The following GALNT11 variants were observed in gnomAD, a reference collection of about 807,000 sequenced individuals.
The protein encoded by GALNT11 is UDP-GalNAc:polypeptide N-acetylgalactosaminyltransferase 11.
Under a neutral mutation model 72.7 loss-of-function variants are expected in GALNT11, and 47 were observed. The ratio of observed to expected loss-of-function variants is 0.65; its 90% CI spans 0.51 to 0.82. The LOEUF is 0.82. GALNT11 is among the 40% of genes least tolerant of loss of function. GALNT11 has a pLI of 0.00. For missense variants in GALNT11, 677 were observed against 778.4 expected (o/e 0.87, Z 1.55); for synonymous variants, 270 against 286.6 (o/e 0.94, Z 0.58).
intron 1 of GALNT11, among the ~76,000 whole-genome samples, chr7:152,047,871 CTTG>C (rs769185391): frequency 1.8e-4 from 28 of 151,704 alleles, no homozygotes; most frequent in Non-Finnish European, 2.6e-4. Context: ...GACCTGAAAA[CTTG>C]TTGTAGTAAT....
chr7:152,107,790 C>T (rs1012339844), intron 5 of GALNT11: 2 of 343,084 alleles, frequency 5.8e-6, no homozygotes, highest in African/African-American at 4.1e-5. Context: ...TCAGTTTTTT[C>T]AAGAGTCGCG....
intron 11 of GALNT11, among the ~76,000 whole-genome samples, 182 bp downstream of exon 11, chr7:152,121,150 C>T (rs12531704): frequency 0.076 from 11,570 of 152,214 alleles, 664 homozygotes; most frequent in Admixed American, 0.11. Flanking sequence ...TCTAGAGATA[C>T]ACCTGTGATA....
At chr7:152,072,462 C>A (rs2084713829) in intron 1 of GALNT11, among the ~76,000 whole-genome samples, 1 of 152,126 alleles carries the variant, frequency 6.6e-6, no homozygotes, top group Middle Eastern at 3.2e-3. Flanking sequence ...AGTAATAACT[C>A]TCTGTTAAGC....
At chr7:152,037,114 G>A (rs1446464477) in intron 1 of GALNT11, among the ~76,000 whole-genome samples, 2 of 152,158 alleles carry the variant, frequency 1.3e-5, no homozygotes, top group Non-Finnish European at 2.9e-5. Flanking sequence ...GTATGCTGTG[G>A]TGGGGTATTA....
At chr7:152,059,995 T>A (rs1342982458) in intron 1 of GALNT11, among the ~76,000 whole-genome samples, 1 of 151,952 alleles carries the variant, frequency 6.6e-6, no homozygotes, top group African/African-American at 2.4e-5. Flanking sequence ...TTAGTCTGCA[T>A]TGAAAATATA....
chr7:152,113,502 GT>G, intron 8 of GALNT11, 104 bp downstream of exon 8: 1 of 1,360,164 alleles, frequency 7.4e-7, no homozygotes, highest in Non-Finnish European at 1.0e-6. Flanking sequence ...ATTTCTCTTG[GT>G]TAACCTTCAC....
intron 1 of GALNT11, among the ~76,000 whole-genome samples, chr7:152,044,142 G>A (rs2083005722): frequency 6.6e-6 from 1 of 152,088 alleles, no homozygotes; most frequent in Non-Finnish European, 1.5e-5. Flanking sequence ...GGGAAATCAG[G>A]GGTCTCACAG....
At chr7:152,026,476 G>A (rs2082020561) in intron 1 of GALNT11, among the ~76,000 whole-genome samples, 1 of 152,222 alleles carries the variant, frequency 6.6e-6, no homozygotes, top group African/African-American at 2.4e-5. Context: ...CCCTGAAACA[G>A]TTGTGTGGAA....
chr7:152,100,008 G>T (rs943865992), intron 2 of GALNT11, among the ~76,000 whole-genome samples: 4 of 147,976 alleles, frequency 2.7e-5, no homozygotes, highest in Non-Finnish European at 6.0e-5. Context: ...GCCCAGGCTG[G>T]GCTCAAGCAG....
chr7:152,046,070 G>A (rs1012926461), intron 1 of GALNT11, among the ~76,000 whole-genome samples: 8 of 152,018 alleles, frequency 5.3e-5, no homozygotes, highest in African/African-American at 1.7e-4. Flanking sequence ...GGTGCATATT[G>A]TTTAATTTAC....
intron 7 of GALNT11, among the ~76,000 whole-genome samples, chr7:152,111,628 G>GTGTGTATATATA (rs553453480): frequency 1.8e-4 from 26 of 144,864 alleles, no homozygotes; most frequent in African/African-American, 6.6e-4. Context: ...GTGTGTGTGT[G>GTGTGTATATATA]TATATATATA....
chr7:152,039,229 G>A (rs1014216767), intron 1 of GALNT11, among the ~76,000 whole-genome samples: 1 of 152,174 alleles, frequency 6.6e-6, no homozygotes, highest in Non-Finnish European at 1.5e-5. Context: ...ACCTCTGCCT[G>A]TTCTGCAATG....
At position 152,094,499 on chromosome 7, in the gene GALNT11, A is replaced by G. The variant is rs1044913579; in HGVS notation, c.272A>G (p.His91Arg). 6.2e-7 allele frequency: 1 copy of G among 1,611,296 alleles called. No individual in the cohort carries two copies. The highest frequency in any genetic ancestry group is 8.5e-7 in the Non-Finnish European group (1 of 1,178,222). Residue 91 changes from histidine (H) to arginine (R), a missense_variant, in exon 2 of 12, where the codon CAC becomes CGC. Physicochemically the swap from His to Arg is conservative, Grantham distance 29 (BLOSUM62 0). Transcript: ENST00000430044. This position sits in a 1 kb window ranked among gnomAD's most constrained non-coding sequence, Gnocchi z 4.3. ...CGTGTTGAAGATCCAGAAGAAGGCC[A>G]CTTGAAATTCTCTTCTGAATTAGGT... ...DSRVEDPEEG[H>R]LKFSSELGMI...
chr7:152,046,888 T>C (rs1030206630), intron 1 of GALNT11, among the ~76,000 whole-genome samples: 2 of 152,236 alleles, frequency 1.3e-5, no homozygotes, highest in Non-Finnish European at 2.9e-5. Context: ...CCTTCCTGTC[T>C]TCCTTTTAGT....
At chr7:152,076,464 G>C (rs897028887) in intron 1 of GALNT11, among the ~76,000 whole-genome samples, 2 of 152,214 alleles carry the variant, frequency 1.3e-5, no homozygotes, top group Non-Finnish European at 2.9e-5. Context: ...TTTCAAGCCA[G>C]GTCCCGCTGT....
intron 1 of GALNT11, among the ~76,000 whole-genome samples, chr7:152,076,906 C>T (rs956266380): frequency 3.3e-5 from 5 of 152,158 alleles, no homozygotes; most frequent in African/African-American, 9.7e-5. Flanking sequence ...ATACAGTTCA[C>T]GATGTATGGA....
chr7:152,084,013 AATGTT>A (rs1236823819), intron 1 of GALNT11, among the ~76,000 whole-genome samples: 2 of 152,198 alleles, frequency 1.3e-5, no homozygotes, highest in African/African-American at 4.8e-5. Context: ...CTTTGAAATC[AATGTT>A]ATGTTCATTT....
chr7:152,026,221 C>A (rs920585106), intron 1 of GALNT11, among the ~76,000 whole-genome samples: 6 of 152,190 alleles, frequency 3.9e-5, no homozygotes, highest in African/African-American at 1.4e-4. Context: ...TCAGTATTGT[C>A]CACTTTTTAA....
At chr7:152,104,789 G>A (rs1301875683) in intron 4 of GALNT11, 1 of 152,276 alleles carries the variant, frequency 6.6e-6, no homozygotes, top group Non-Finnish European at 1.5e-5. Flanking sequence ...ATTCAATGCT[G>A]TTCTTGTTAT....
Sources: allele counts gnomAD v4.1 joint callset (sites outside exome capture counted in the v4.1 genomes callset), GRCh38; gene constraint gnomAD v4.1.1; non-coding constraint Gnocchi (gnomAD v3.1); transcripts MANE v1.5; gene names NCBI Gene and HGNC (gene_info 2026-07-23, HGNC 2026-07-21).